The following PRR5L variants were observed in gnomAD, a reference collection of about 807,000 sequenced individuals.
PRR5L encodes the protein proline-rich protein 5-like.
Under a neutral mutation model 36.4 loss-of-function variants are expected in PRR5L, and 21 were observed. The observed-to-expected ratio is 0.58, with a 90% CI of 0.41 to 0.83. The LOEUF is 0.83. Among genes scored for constraint, PRR5L ranks in the 40% least tolerant of loss-of-function variants. The pLI is 0.00. For synonymous variants in PRR5L, 188 were observed against 197.0 expected (o/e 0.95, Z 0.38); for missense variants, 381 against 473.3 (o/e 0.80, Z 1.81).
At chr11:36,455,726 T>C (rs1416696062) in intron 8 of PRR5L, among the ~76,000 whole-genome samples, 14 of 151,648 alleles carry the variant, frequency 9.2e-5, no homozygotes, top group Non-Finnish European at 1.8e-4. Context: ...GAAGCAAGAG[T>C]GTCGGTCGCT....
chr11:36,374,105 C>CCTTCCTTCCTGCCT lies in PRR5L; in HGVS notation c.-125-26890_-125-26889insTCCTTCCTGCCTCT, dbSNP rs776652107. Among the ~76,000 whole-genome samples, 188 of 67,826 alleles carry CCTTCCTTCCTGCCT rather than the reference C, an allele frequency of 2.8e-3. 3 individuals are homozygous for CCTTCCTTCCTGCCT. The highest frequency in any genetic ancestry group is 8.3e-3 in the African/African-American group (138 of 16,638). The allele number at this position is 67,826 out of a possible 152,430, so 44.5% of individuals were successfully genotyped here. A position where few individuals can be genotyped will look rare whatever the true frequency, so the allele number is the denominator to read the frequency against. On this transcript the variant is annotated intron_variant, in intron 1 of 8. Transcript: ENST00000530639. ...TCCTTCCTTCCTTCCTTCCTTCCTT[C>CCTTCCTTCCTGCCT]CTCTCTCTCTCTCTCTCTTTCTTTC...
chr11:36,333,566 A>C (rs538140210), intron 1 of PRR5L, among the ~76,000 whole-genome samples: 225 of 152,376 alleles, frequency 1.5e-3, no homozygotes, highest in Non-Finnish European at 2.2e-3. Flanking sequence ...TGAACTATTT[A>C]TAGAACAGCA....
chr11:36,371,402 C>T (rs573001024), intron 1 of PRR5L, among the ~76,000 whole-genome samples: 151 of 152,282 alleles, frequency 9.9e-4, no homozygotes, highest in African/African-American at 3.3e-3. Flanking sequence ...TGAGTGCTTA[C>T]GCAAGTTTTA....
At chr11:36,355,690 T>C (rs924498079) in intron 1 of PRR5L, among the ~76,000 whole-genome samples, 50 of 151,374 alleles carry the variant, frequency 3.3e-4, no homozygotes, top group African/African-American at 1.2e-3. Flanking sequence ...GCTGGGATTA[T>C]AGGTGCGTGT....
At chr11:36,347,775 TA>T (rs1565403865) in intron 1 of PRR5L, among the ~76,000 whole-genome samples, 1 of 151,858 alleles carries the variant, frequency 6.6e-6, no homozygotes, top group Non-Finnish European at 1.5e-5. Flanking sequence ...GATCCTTACA[TA>T]GCCTCCTTCT....
At chr11:36,329,647 G>A (rs1001603605) in intron 1 of PRR5L, among the ~76,000 whole-genome samples, 21 of 152,142 alleles carry the variant, frequency 1.4e-4, no homozygotes, top group African/African-American at 5.1e-4. Flanking sequence ...AGCAAAAATG[G>A]TAATTGACCA....
chr11:36,417,784 G>A (rs967998108), intron 3 of PRR5L, among the ~76,000 whole-genome samples: 5 of 152,162 alleles, frequency 3.3e-5, no homozygotes, highest in African/African-American at 1.2e-4. Context: ...TCAGTGACAT[G>A]AGTGAACGTG....
intron 4 of PRR5L, among the ~76,000 whole-genome samples, chr11:36,422,015 CT>C (rs1246665356): frequency 6.6e-6 from 1 of 152,156 alleles, no homozygotes; most frequent in Non-Finnish European, 1.5e-5. Context: ...GCTGTGGTTT[CT>C]GTTTTAAACG....
At chr11:36,359,901 G>A (rs935707150) in intron 1 of PRR5L, among the ~76,000 whole-genome samples, 2 of 152,100 alleles carry the variant, frequency 1.3e-5, no homozygotes, top group Middle Eastern at 3.2e-3. Flanking sequence ...GCTGGACATG[G>A]TGATGCGCGC....
chr11:36,302,265 G>A (rs1856384788), intron 1 of PRR5L, among the ~76,000 whole-genome samples: 10 of 152,198 alleles, frequency 6.6e-5, no homozygotes, highest in Admixed American at 5.9e-4. Flanking sequence ...TTGAAGCGGG[G>A]ATGGGGAAGA....
At chr11:36,452,010 C>CTATAA (rs113417493) in intron 8 of PRR5L, among the ~76,000 whole-genome samples, 66,848 of 151,482 alleles carry the variant, frequency 0.44, 15,230 homozygotes, top group African/African-American at 0.56. Flanking sequence ...ACAAATATCT[C>CTATAA]TATAATACAA....
At chr11:36,419,016 G>A (rs1858208232) in intron 3 of PRR5L, among the ~76,000 whole-genome samples, 1 of 152,088 alleles carries the variant, frequency 6.6e-6, no homozygotes, top group African/African-American at 2.4e-5. Flanking sequence ...GATTTCCTTT[G>A]GCCAGCTGCC....
intron 4 of PRR5L, among the ~76,000 whole-genome samples, chr11:36,422,032 A>G (rs943861577): frequency 1.3e-5 from 2 of 152,174 alleles, no homozygotes; most frequent in Non-Finnish European, 2.9e-5. Context: ...AAACGTATTT[A>G]CTTGTTTAAA....
In PRR5L at chr11:36,426,951, G is replaced by A. The variant is rs149074722; in HGVS notation, c.295-4902G>A. Among the ~76,000 whole-genome samples the A allele has an allele frequency of 8.0e-3, 1,223 of 152,250 alleles. 5 individuals are homozygous for A. The highest frequency in any genetic ancestry group is 0.018 in the Admixed American group (271 of 15,290). On this transcript the variant is annotated intron_variant, in intron 4 of 8. Coordinates refer to ENST00000530639, the MANE Select transcript of PRR5L (RefSeq NM_001160167.2). Reference sequence around the variant, plus strand: ...ATCTGGGTCCATCCCACCGGGTTGTGAAGGTGCCTGCTTGGCAGGAGGCAT... The same window carrying A: ...ATCTGGGTCCATCCCACCGGGTTGTAAAGGTGCCTGCTTGGCAGGAGGCAT...
At chr11:36,310,762 G>T (rs2133454933) in intron 1 of PRR5L, among the ~76,000 whole-genome samples, 1 of 152,186 alleles carries the variant, frequency 6.6e-6, no homozygotes, top group East Asian at 1.9e-4. Flanking sequence ...ACTTTGGGGG[G>T]CCGAGGTGGG....
At chr11:36,310,231 G>A (rs796119611) in intron 1 of PRR5L, among the ~76,000 whole-genome samples, 26 of 152,252 alleles carry the variant, frequency 1.7e-4, no homozygotes, top group African/African-American at 6.0e-4. Context: ...AGATTTTACC[G>A]TTAGATCAAA....
At chr11:36,400,905 CG>C in intron 1 of PRR5L, 91 bp from the exon 2 acceptor site, 1 of 1,040,014 alleles carries the variant, frequency 9.6e-7, no homozygotes, top group Non-Finnish European at 1.3e-6. Flanking sequence ...CAGTTGTTTT[CG>C]GGGTAGTTAG....
intron 1 of PRR5L, among the ~76,000 whole-genome samples, chr11:36,326,530 C>A (rs532912050): frequency 6.6e-6 from 1 of 152,270 alleles, no homozygotes; most frequent in African/African-American, 2.4e-5. Context: ...TGAGTCTAAT[C>A]TTTTAATCTC....
intron 1 of PRR5L, among the ~76,000 whole-genome samples, chr11:36,305,920 A>C (rs1369935648): frequency 6.6e-6 from 1 of 152,232 alleles, no homozygotes; most frequent in Non-Finnish European, 1.5e-5. Flanking sequence ...AGCTGTTATT[A>C]AGTAAAGTAA....
Sources: allele counts gnomAD v4.1 joint callset (sites outside exome capture counted in the v4.1 genomes callset), GRCh38; gene constraint gnomAD v4.1.1; transcripts MANE v1.5; gene names NCBI Gene and HGNC (gene_info 2026-07-23, HGNC 2026-07-21).